The following SLC44A5 variants were observed in gnomAD, a reference collection of about 807,000 sequenced individuals.
SLC44A5 encodes solute carrier family 44 member 5, also known as choline transporter-like protein 5.
A neutral mutation model predicts 101.8 loss-of-function variants in SLC44A5; 57 were observed. The observed-to-expected ratio is 0.56, with a 90% CI of 0.45 to 0.70. The LOEUF (loss-of-function observed/expected upper bound fraction) is 0.70, where lower values mean the gene tolerates loss of function less well. Ranked by LOEUF, SLC44A5 falls within the 30% of genes least tolerant of loss-of-function variation. SLC44A5 has a pLI of 0.00. For synonymous variants in SLC44A5, 281 were observed against 290.9 expected (o/e 0.97, Z 0.35); for missense variants, 737 against 853.1 (o/e 0.86, Z 1.70).
the SLC44A5 span, among the ~76,000 whole-genome samples, chr1:75,672,075 A>G: frequency 6.6e-6 from 1 of 152,074 alleles, no homozygotes; most frequent in Admixed American, 6.6e-5. Context: ...CTTCATAAGA[A>G]CCAAAATCAG....
At chr1:75,211,419 C>A in intron 23 of SLC44A5, 49 bp downstream of exon 23, 1 of 1,454,980 alleles carries the variant, frequency 6.9e-7, no homozygotes, top group Non-Finnish European at 9.6e-7. Context: ...CACCATCTCA[C>A]CTTTCAGTTA....
At chr1:75,604,147 T>G (rs1675180892) in intron 1 of SLC44A5, among the ~76,000 whole-genome samples, 1 of 152,140 alleles carries the variant, frequency 6.6e-6, no homozygotes, top group South Asian at 2.1e-4. Context: ...TAGTTTGAAG[T>G]CTTACATTTA....
intron 2 of SLC44A5, among the ~76,000 whole-genome samples, chr1:75,441,027 C>A (rs1231647794): frequency 1.3e-5 from 2 of 151,816 alleles, no homozygotes; most frequent in African/African-American, 2.4e-5. Context: ...TAAAATTCTG[C>A]AAAATAGCAT....
chr1:75,615,144 C>A (rs969280115), upstream of SLC44A5, among the ~76,000 whole-genome samples: 33 of 152,080 alleles, frequency 2.2e-4, no homozygotes, highest in Admixed American at 1.8e-3. Flanking sequence ...CTTTGGAAGC[C>A]CGGGTTCCAA....
chr1:75,208,070 C>T (rs1305219139), intron 23 of SLC44A5, among the ~76,000 whole-genome samples: 1 of 152,142 alleles, frequency 6.6e-6, no homozygotes, highest in East Asian at 1.9e-4. Context: ...TAAAATGCTT[C>T]CTTTAAGTGA....
At chr1:75,614,307 A>G (rs1242738935), upstream of SLC44A5, among the ~76,000 whole-genome samples, 1 of 152,190 alleles carries the variant, frequency 6.6e-6, no homozygotes, top group Non-Finnish European at 1.5e-5. Flanking sequence ...GAGGGGGGGA[A>G]TCAGAGGTTT....
intron 4 of SLC44A5, among the ~76,000 whole-genome samples, chr1:75,310,305 A>G (rs1002744558): frequency 6.6e-6 from 1 of 151,800 alleles, no homozygotes; most frequent in African/African-American, 2.4e-5. Flanking sequence ...TCATCCTTCC[A>G]CCCCTCTCAT....
intron 6 of SLC44A5, among the ~76,000 whole-genome samples, chr1:75,252,924 A>G (rs1198631216): frequency 6.6e-6 from 1 of 152,120 alleles, no homozygotes. Flanking sequence ...AGGAGGGCAA[A>G]CCAAAGCTGA....
chr1:75,556,565 G>A (rs550760885), intron 1 of SLC44A5, among the ~76,000 whole-genome samples: 1 of 152,220 alleles, frequency 6.6e-6, no homozygotes, highest in East Asian at 1.9e-4. Flanking sequence ...ACCCTATGAA[G>A]TAGGTACTAT....
At chr1:75,383,926 T>A (rs550638116) in intron 3 of SLC44A5, among the ~76,000 whole-genome samples, 89 of 151,976 alleles carry the variant, frequency 5.9e-4, no homozygotes, top group Admixed American at 3.1e-3. Context: ...AAAAGAATTG[T>A]CAACCCAGAA....
chr1:75,298,802 A>C (rs1472873208), intron 5 of SLC44A5, among the ~76,000 whole-genome samples: 3 of 152,116 alleles, frequency 2.0e-5, no homozygotes, highest in Non-Finnish European at 4.4e-5. Context: ...ATTCAGAACA[A>C]CTCAGTTATA....
chr1:75,663,865 C>G, the SLC44A5 span, among the ~76,000 whole-genome samples: 1 of 152,110 alleles, frequency 6.6e-6, no homozygotes, highest in African/African-American at 2.4e-5. Context: ...TAAAAGAAAA[C>G]TACTGGCCAA....
At chr1:75,683,844 A>T in the SLC44A5 span, among the ~76,000 whole-genome samples, 1 of 152,102 alleles carries the variant, frequency 6.6e-6, no homozygotes, top group East Asian at 1.9e-4. Flanking sequence ...CTATAAAGAC[A>T]TGTATAGATT....
the SLC44A5 span, among the ~76,000 whole-genome samples, chr1:75,654,206 G>C: frequency 6.6e-6 from 1 of 152,108 alleles, no homozygotes; most frequent in Non-Finnish European, 1.5e-5. Context: ...TAATGATAAA[G>C]GAATTCACTT....
At chr1:75,272,646 G>A (rs1651582483) in intron 6 of SLC44A5, among the ~76,000 whole-genome samples, 2 of 151,972 alleles carry the variant, frequency 1.3e-5, no homozygotes, top group African/African-American at 4.8e-5. Context: ...TGAACAGGAT[G>A]TCCTTTCCCC....
At chr1:75,674,493 C>T in the SLC44A5 span, among the ~76,000 whole-genome samples, 1 of 152,150 alleles carries the variant, frequency 6.6e-6, no homozygotes, top group Non-Finnish European at 1.5e-5. Context: ...GATTATCCTG[C>T]CTCAGCCTCC....
intron 3 of SLC44A5, among the ~76,000 whole-genome samples, chr1:75,355,679 T>C (rs1659010165): frequency 6.6e-6 from 1 of 152,164 alleles, no homozygotes; most frequent in Non-Finnish European, 1.5e-5. Flanking sequence ...TCCTATTACC[T>C]AGTGACTTAA....
At chr1:75,675,206 A>G in the SLC44A5 span, among the ~76,000 whole-genome samples, 1 of 152,224 alleles carries the variant, frequency 6.6e-6, no homozygotes, top group East Asian at 1.9e-4. Context: ...TTTGGGCAGT[A>G]TGGCCACTTT....
chr1:75,218,287 A>G (rs1647003710), intron 17 of SLC44A5, among the ~76,000 whole-genome samples: 1 of 152,130 alleles, frequency 6.6e-6, no homozygotes, highest in African/African-American at 2.4e-5. Context: ...CTAGTAACCT[A>G]TAGCATTTAG....
Sources: allele counts gnomAD v4.1 joint callset (sites outside exome capture counted in the v4.1 genomes callset), GRCh38; gene constraint gnomAD v4.1.1; transcripts MANE v1.5; gene names NCBI Gene and HGNC (gene_info 2026-07-23, HGNC 2026-07-21).